Variants in PARP6 observed in about 807,000 individuals in gnomAD.
PARP6 encodes the protein poly(ADP-ribose) polymerase family member 6, also known as protein mono-ADP-ribosyltransferase PARP6.
Under a neutral mutation model 92.0 loss-of-function variants are expected in PARP6, and 27 were observed. The ratio of observed to expected loss-of-function variants is 0.29; its 90% CI spans 0.22 to 0.40. The LOEUF (loss-of-function observed/expected upper bound fraction) is 0.40. Ranked by LOEUF, PARP6 falls within the 10% of genes least tolerant of loss-of-function variation. The probability of loss-of-function intolerance (pLI) is 1.00; values close to 1 mark genes in which losing one functional copy is unlikely to be tolerated. For synonymous variants in PARP6, 272 were observed against 281.2 expected, an observed-to-expected ratio of 0.97 and a Z score of 0.33; for missense variants, 501 against 784.5, an observed-to-expected ratio of 0.64 and a Z score of 4.32.
At chr15:72,270,418 G>A (rs2087238290) in intron 2 of PARP6, among the ~76,000 whole-genome samples, 1 of 151,556 alleles carries the variant, frequency 6.6e-6, no homozygotes, top group Non-Finnish European at 1.5e-5. Flanking sequence ...AAAATAAAAA[G>A]TTTAAAAAAA....
At position 72,271,092 on chromosome 15, in the gene PARP6, G is replaced by A. The variant is rs1329474582; in HGVS notation, c.-264C>T. Reference sequence around the variant, plus strand: ...GGTTCGTGAGATTTGAAAATAAACAGTCAAGTGCTGATCTGGATGATCACA... The same window carrying A: ...GGTTCGTGAGATTTGAAAATAAACAATCAAGTGCTGATCTGGATGATCACA... On this transcript the variant is annotated 5_prime_UTR_variant, in exon 2 of 24. Coordinates refer to ENST00000569795, the MANE Select transcript of PARP6 (RefSeq NM_001323532.2). 1 of 152,194 alleles carries A rather than the reference G, an allele frequency of 6.6e-6. No homozygotes were observed. Among genetic ancestry groups the A allele is most frequent in the African/African-American group, 2.4e-5 (1 of 41,444 alleles). The allele number at this position is 152,194 out of a possible 1,614,324, so 9.4% of individuals were successfully genotyped here.
At position 72,260,583 on chromosome 15, in the gene PARP6, C is replaced by T; in HGVS notation, c.651G>A (p.Met217Ile). ...RLMNRSISCT[M>I]KNPKVEVFGY... ...CAAACACTTCCACTTTGGGGTTCTT[C>T]ATGGTACAGGAGATGGAACGGTTCA... Residue 217 changes from methionine (M) to isoleucine (I), a missense_variant, in exon 10 of 24, where the codon ATG becomes ATA. By Grantham distance (10) the Met-to-Ile change is conservative. Around this residue, in one of 4 missense-constraint regions of PARP6, gnomAD observed 291 missense variants for 352.0 expected, o/e 0.83. Transcript: ENST00000569795. 3 of 1,614,202 alleles carry T rather than the reference C, an allele frequency of 1.9e-6. No individual in the cohort carries two copies. Among genetic ancestry groups the T allele is most frequent in the Non-Finnish European group, 2.5e-6 (3 of 1,180,020 alleles).
chr15:72,254,550 C>G lies in PARP6; in HGVS notation c.1126-30G>C, dbSNP rs772323550. On this transcript the variant is annotated intron_variant, in intron 14 of 23. Coordinates refer to ENST00000569795, the MANE Select transcript of PARP6 (RefSeq NM_001323532.2). ...GGAGAATCAATGGGAAGAGAAGAAC[C>G]AAATAAAGAAAAGTAGAGGAAAGTA... The G allele has an allele frequency of 3.2e-6, 5 of 1,563,886 alleles. No individual in the cohort carries two copies. The African/African-American group carries it at 4.1e-5, about 13-fold the overall frequency.
chr15:72,256,939 G>C (rs1370495796), intron 13 of PARP6, among the ~76,000 whole-genome samples: 2 of 152,078 alleles, frequency 1.3e-5, no homozygotes, highest in Admixed American at 6.5e-5. Context: ...GTGCAGTGGT[G>C]TGATCATGGC....
intron 16 of PARP6, among the ~76,000 whole-genome samples, chr15:72,252,049 G>A (rs1355761351): frequency 6.6e-6 from 1 of 152,204 alleles, no homozygotes; most frequent in African/African-American, 2.4e-5. Flanking sequence ...TAGGAAGAGG[G>A]AGGCAAACTA....
At chr15:72,267,091 G>C (rs908934291) in intron 3 of PARP6, 1 of 517,942 alleles carries the variant, frequency 1.9e-6, no homozygotes, top group African/African-American at 1.9e-5. Context: ...TGATGACTGA[G>C]AGGCTCTGGT....
chr15:72,268,470 G>A (rs757331734), intron 2 of PARP6, among the ~76,000 whole-genome samples: 1 of 152,084 alleles, frequency 6.6e-6, no homozygotes, highest in Non-Finnish European at 1.5e-5. Flanking sequence ...AGTCCTCAAC[G>A]GCCAGATCAC....
intron 9 of PARP6, among the ~76,000 whole-genome samples, chr15:72,260,979 G>A (rs1026558507): frequency 6.6e-6 from 1 of 152,128 alleles, no homozygotes; most frequent in Non-Finnish European, 1.5e-5. Context: ...TAATCCCTTG[G>A]AAAGGCTGCC....
chr15:72,242,650 C>T lies in PARP6; in HGVS notation c.1611G>A (p.Gln537=). ...GGATGGTATTCATCCTGTTGTATCT[C>T]TGGACCAGCTCATCCTTGGAGGGCA... The part of the protein sequence containing the change: ...HRMPSKDELV[Q]RYNRMNTIPQ... Residue 537 remains glutamine (Q), a synonymous_variant, in exon 21 of 24, where the codon CAG becomes CAA. Transcript: ENST00000569795. The surrounding 1 kb of genome is among the most constrained non-coding windows in gnomAD (Gnocchi z 4.3). 1 of 1,612,550 alleles carries T rather than the reference C, an allele frequency of 6.2e-7. No homozygotes were observed. Among genetic ancestry groups the T allele is most frequent in the Non-Finnish European group, 8.5e-7 (1 of 1,178,602 alleles).
chr15:72,254,855 A>ATGC (rs1183694169), intron 14 of PARP6, among the ~76,000 whole-genome samples: 1 of 152,200 alleles, frequency 6.6e-6, no homozygotes, highest in Non-Finnish European at 1.5e-5. Context: ...GTGAGGTACT[A>ATGC]TGCTGGGTAC....
At chr15:72,267,754 A>C (rs2141111031) in intron 2 of PARP6, 83 bp from the exon 3 acceptor site, 2 of 391,600 alleles carry the variant, frequency 5.1e-6, no homozygotes, top group Middle Eastern at 6.8e-4. Flanking sequence ...ATTTATCAAT[A>C]CACTTTTTTT....
chr15:72,266,053 T>A, intron 4 of PARP6, 62 bp from the exon 5 acceptor site: 1 of 1,092,726 alleles, frequency 9.2e-7, no homozygotes, highest in Non-Finnish European at 1.4e-6. Context: ...AAGAGAGAGA[T>A]AATAAAAAGA....
intron 7 of PARP6, 143 bp from the exon 8 acceptor site, chr15:72,264,764 C>G: frequency 1.5e-6 from 1 of 649,066 alleles, no homozygotes; most frequent in Non-Finnish European, 2.7e-6. Context: ...AAAAAAACAT[C>G]TGAGGGAGAG....
In PARP6 at chr15:72,258,021, G is replaced by A. The variant is rs751500907; in HGVS notation, c.906+16C>T. 5 of 1,554,724 alleles carry A rather than the reference G, an allele frequency of 3.2e-6. No homozygotes were observed. Among genetic ancestry groups the A allele is most frequent in the East Asian group, 2.2e-5 (1 of 44,632 alleles). ...GACCTGGTTAAGGAAGAGGGTCATA[G>A]AGTACGGTCCTATACCTTCAGCATA... On this transcript the variant is annotated intron_variant, in intron 12 of 23. Coordinates refer to ENST00000569795, the MANE Select transcript of PARP6 (RefSeq NM_001323532.2).
At chr15:72,253,829 T>A (rs571378447) in intron 15 of PARP6, 1 of 499,476 alleles carries the variant, frequency 2.0e-6, no homozygotes, top group South Asian at 1.6e-5. Flanking sequence ...GGCTAAGGAA[T>A]CCTGTGGTAA....
At chr15:72,257,194 T>C (rs1391530400) in intron 13 of PARP6, among the ~76,000 whole-genome samples, 154 bp downstream of exon 13, 1 of 152,178 alleles carries the variant, frequency 6.6e-6, no homozygotes, top group African/African-American at 2.4e-5. Context: ...CCCCTACAGA[T>C]GGGGTTGTAT....
At chr15:72,250,482 C>T (rs1472205875) in intron 18 of PARP6, 2 of 326,146 alleles carry the variant, frequency 6.1e-6, no homozygotes, top group Admixed American at 4.5e-5. Flanking sequence ...AAGGGTACTA[C>T]CACTCCCTAT....
chr15:72,249,898 C>A, intron 19 of PARP6, 122 bp downstream of exon 19: 1 of 681,300 alleles, frequency 1.5e-6, no homozygotes. Flanking sequence ...CTAGGGAACT[C>A]CACAAGACAG....
At position 72,265,429 on chromosome 15, in the gene PARP6, T is replaced by C; in HGVS notation, c.221A>G (p.Asn74Ser). Residue 74 changes from asparagine to serine, a missense_variant, in exon 6 of 24, where the codon AAC (asparagine) becomes AGC (serine). Asn to Ser is a conservative substitution (Grantham distance 46). Around this residue, in one of 4 missense-constraint regions of PARP6, gnomAD observed 291 missense variants for 352.0 expected, o/e 0.83. Transcript: ENST00000569795. ...CCCACTTACATCGAGGAAGCTGATG[T>C]TGATGTGGAGGTCAATGTCCACGTC... ...IDDVDIDLHI[N>S]ISFLDEEVST... 2 of 1,613,862 alleles carry C rather than the reference T, an allele frequency of 1.2e-6. No homozygotes were observed. The highest frequency in any genetic ancestry group is 1.7e-6 in the Non-Finnish European group (2 of 1,179,684).
Sources: allele counts gnomAD v4.1 joint callset (sites outside exome capture counted in the v4.1 genomes callset), GRCh38; gene constraint gnomAD v4.1.1; regional missense constraint gnomAD v4.1.1; non-coding constraint Gnocchi (gnomAD v3.1); transcripts MANE v1.5; gene names NCBI Gene and HGNC (gene_info 2026-07-23, HGNC 2026-07-21).